The following PTGR3 variants were observed in gnomAD, a reference collection of about 807,000 sequenced individuals.
PTGR3 encodes the protein prostaglandin reductase 3.
At chr18:75,203,254 T>C in the PTGR3 span, among the ~76,000 whole-genome samples, 1 of 152,148 alleles carries the variant, frequency 6.6e-6, no homozygotes, top group African/African-American at 2.4e-5. Context: ...AAAAATATCC[T>C]GATACATAGG....
chr18:75,208,292 G>T, the PTGR3 span: 15 of 976,308 alleles, frequency 1.5e-5, no homozygotes, highest in Non-Finnish European at 1.7e-5. Context: ...ACAGCACGCA[G>T]ACAACACCGG....
the PTGR3 span, chr18:75,208,494 C>T: frequency 1.9e-6 from 2 of 1,039,774 alleles, no homozygotes; most frequent in Non-Finnish European, 2.3e-6. Context: ...ACTGTGGGTG[C>T]GCGCGGGCGG....
At chr18:75,204,776 C>A in the PTGR3 span, among the ~76,000 whole-genome samples, 2 of 152,110 alleles carry the variant, frequency 1.3e-5, no homozygotes, top group Non-Finnish European at 2.9e-5. Flanking sequence ...GGCGGGGGCC[C>A]CGGCAGGCGC....
chr18:75,205,361 C>A, the PTGR3 span: 18 of 975,242 alleles, frequency 1.8e-5, no homozygotes, highest in Non-Finnish European at 1.8e-5. Context: ...CATTTGGAGA[C>A]CCTCCTTGTA....
the PTGR3 span, among the ~76,000 whole-genome samples, chr18:75,203,582 A>G: frequency 6.6e-6 from 1 of 152,188 alleles, no homozygotes; most frequent in Non-Finnish European, 1.5e-5. Context: ...GCAGGGAGCA[A>G]CTGCTTTCTG....
the PTGR3 span, chr18:75,208,364 G>A: frequency 1.4e-5 from 14 of 987,122 alleles, no homozygotes; most frequent in Non-Finnish European, 1.7e-5. Flanking sequence ...TGCCAACCTG[G>A]AGGGAACAGG....
At chr18:75,200,806 G>C in the PTGR3 span, 2 of 152,088 alleles carry the variant, frequency 1.3e-5, no homozygotes, top group East Asian at 1.9e-4. Context: ...AAGCCATTAC[G>C]TGCTACTTCT....
the PTGR3 span, among the ~76,000 whole-genome samples, chr18:75,207,539 T>G: frequency 6.6e-6 from 1 of 152,190 alleles, no homozygotes; most frequent in Non-Finnish European, 1.5e-5. Flanking sequence ...AATCCTCTGC[T>G]GTGTCCACAG....
At chr18:75,200,230 C>T in the PTGR3 span, 22 of 152,196 alleles carry the variant, frequency 1.4e-4, no homozygotes, top group African/African-American at 3.9e-4. Flanking sequence ...AGAGGGAAGC[C>T]GATGAGCCAC....
At chr18:75,206,741 A>T in the PTGR3 span, among the ~76,000 whole-genome samples, 1 of 152,228 alleles carries the variant, frequency 6.6e-6, no homozygotes, top group Non-Finnish European at 1.5e-5. Context: ...TAGGTTGTTC[A>T]TATGGAGATA....
the PTGR3 span, chr18:75,201,719 A>T: frequency 6.2e-7 from 1 of 1,614,218 alleles, no homozygotes; most frequent in East Asian, 2.2e-5. Flanking sequence ...GGCCAGTAGG[A>T]GTTTGGTAGC....
the PTGR3 span, chr18:75,196,445 T>C: frequency 2.0e-5 from 3 of 151,512 alleles, no homozygotes; most frequent in South Asian, 2.1e-4. Context: ...CTGGGCTACA[T>C]AGTAGAACCT....
the PTGR3 span, among the ~76,000 whole-genome samples, chr18:75,203,737 G>A: frequency 6.7e-6 from 1 of 149,226 alleles, no homozygotes; most frequent in African/African-American, 2.4e-5. Context: ...ATATCAAGAT[G>A]CCTACGTTCT....
chr18:75,207,610 C>T, the PTGR3 span, among the ~76,000 whole-genome samples: 1 of 151,590 alleles, frequency 6.6e-6, no homozygotes, highest in Non-Finnish European at 1.5e-5. Flanking sequence ...CAGACCAGCC[C>T]CCCACCCCCG....
At chr18:75,205,797 A>C in the PTGR3 span, among the ~76,000 whole-genome samples, 463 of 149,064 alleles carry the variant, frequency 3.1e-3, 3 homozygotes, top group Non-Finnish European at 4.3e-3. Flanking sequence ...AAAGACAAGA[A>C]AAAAAGCGGG....
chr18:75,203,525 T>A, the PTGR3 span, among the ~76,000 whole-genome samples: 3 of 152,278 alleles, frequency 2.0e-5, no homozygotes, highest in South Asian at 6.2e-4. Context: ...TCATCCCCCA[T>A]GTATCTACAG....
the PTGR3 span, among the ~76,000 whole-genome samples, chr18:75,205,910 C>T: frequency 6.6e-6 from 1 of 152,072 alleles, no homozygotes; most frequent in Non-Finnish European, 1.5e-5. Context: ...CATCCCCCAC[C>T]GTCCCTTAGC....
At chr18:75,205,091 G>C in the PTGR3 span, 6 of 939,430 alleles carry the variant, frequency 6.4e-6, no homozygotes, top group Non-Finnish European at 7.6e-6. Flanking sequence ...CCTGCCTCCG[G>C]TTCGCGGACC....
At chr18:75,205,381 C>A in the PTGR3 span, 50 of 985,628 alleles carry the variant, frequency 5.1e-5, 2 homozygotes, top group African/African-American at 8.4e-4. Context: ...ACCCCCACCC[C>A]CCCTTTAATT....
Sources: allele counts gnomAD v4.1 joint callset (sites outside exome capture counted in the v4.1 genomes callset), GRCh38; gene constraint gnomAD v4.1.1; transcripts MANE v1.5; gene names NCBI Gene and HGNC (gene_info 2026-07-23, HGNC 2026-07-21).